UIMC1: variants seen among roughly 807,000 people sequenced by gnomAD.
UIMC1 encodes ubiquitin interaction motif containing 1, also known as BRCA1-A complex subunit RAP80.
A neutral mutation model predicts 84.9 loss-of-function variants in UIMC1; 42 were observed. The ratio of observed to expected loss-of-function variants is 0.49; its 90% CI spans 0.39 to 0.64. The LOEUF (loss-of-function observed/expected upper bound fraction) is 0.64, where lower values mean the gene tolerates loss of function less well. UIMC1 is among the 30% of genes least tolerant of loss of function. The probability of loss-of-function intolerance (pLI) is 0.00; values close to 1 mark genes in which losing one functional copy is unlikely to be tolerated. For missense variants in UIMC1, 825 were observed against 847.6 expected (o/e 0.97, Z 0.33); for synonymous variants, 281 against 293.0 (o/e 0.96, Z 0.42).
chr5:176,977,932 T>A (rs541579031), intron 2 of UIMC1, among the ~76,000 whole-genome samples: 2 of 150,266 alleles, frequency 1.3e-5, no homozygotes, highest in South Asian at 4.3e-4. Context: ...TATAAAAAAA[T>A]AAAAATAATA....
intron 12 of UIMC1, chr5:176,907,453 G>T (rs1215056538): frequency 5.9e-6 from 2 of 341,108 alleles, no homozygotes; most frequent in East Asian, 1.1e-4. Flanking sequence ...TAAACTGGCT[G>T]TATAAGTAAG....
intron 1 of UIMC1, among the ~76,000 whole-genome samples, chr5:176,982,993 C>G (rs148089281): frequency 1.3e-5 from 2 of 152,250 alleles, no homozygotes; most frequent in South Asian, 2.1e-4. Flanking sequence ...GCCACCACAT[C>G]CAGCCTAATT....
intron 1 of UIMC1, among the ~76,000 whole-genome samples, chr5:177,014,057 C>CTTTTTT (rs34686520): frequency 8.4e-4 from 103 of 122,098 alleles, no homozygotes; most frequent in Non-Finnish European, 1.1e-3. Context: ...TTTTTCTTTT[C>CTTTTTT]TTTTTTTTTT....
intron 10 of UIMC1, among the ~76,000 whole-genome samples, chr5:176,915,774 C>T (rs1329752691): frequency 7.2e-6 from 1 of 139,682 alleles, no homozygotes; most frequent in Non-Finnish European, 1.5e-5. Flanking sequence ...TATTAAGTAA[C>T]CTGATCAAGG....
chr5:176,911,509 C>A, intron 10 of UIMC1, 120 bp from the exon 11 acceptor site: 1 of 550,242 alleles, frequency 1.8e-6, no homozygotes, highest in Non-Finnish European at 2.8e-6. Flanking sequence ...GGAAGAAGTG[C>A]ATTGTTTGGG....
Position 176,991,168 on chromosome 5 carries a change from C to T in UIMC1, c.-8-8545G>A, listed in dbSNP as rs188954957. ...GATTACAGGCGCCCGCCACCACGCC[C>T]GGCTAATTTTTTTTGCATTTTTAGT... On this transcript the variant is annotated intron_variant, in intron 1 of 14. Transcript: ENST00000511320. Among the ~76,000 whole-genome samples the T allele has an allele frequency of 5.0e-3, 762 of 151,700 alleles. 7 individuals are homozygous for T. The highest frequency in any genetic ancestry group is 0.016 in the African/African-American group (682 of 41,366).
At chr5:176,959,621 C>G (rs1299024985) in intron 6 of UIMC1, among the ~76,000 whole-genome samples, 9 of 147,218 alleles carry the variant, frequency 6.1e-5, no homozygotes, top group Non-Finnish European at 1.0e-4. Context: ...GAGGCTGAGG[C>G]AGGAGAATGG....
intron 10 of UIMC1, among the ~76,000 whole-genome samples, chr5:176,915,248 T>C (rs936060331): frequency 8.2e-4 from 125 of 151,568 alleles, no homozygotes; most frequent in African/African-American, 2.9e-3. Flanking sequence ...TTTCTTTTTT[T>C]TTTTTTTTCT....
intron 10 of UIMC1, among the ~76,000 whole-genome samples, chr5:176,914,742 G>A (rs757595082): frequency 2.0e-5 from 3 of 152,144 alleles, no homozygotes; most frequent in Admixed American, 1.3e-4. Context: ...CTAGAAGCGG[G>A]GAATCAGATT....
At chr5:176,997,511 C>T (rs543145918) in intron 1 of UIMC1, among the ~76,000 whole-genome samples, 2 of 152,092 alleles carry the variant, frequency 1.3e-5, no homozygotes, top group East Asian at 3.9e-4. Context: ...AGTGAAACCC[C>T]GTTTCTACTA....
chr5:177,013,080 CAAA>C (rs35280210), intron 1 of UIMC1, among the ~76,000 whole-genome samples: 1 of 131,528 alleles, frequency 7.6e-6, no homozygotes, highest in Non-Finnish European at 1.6e-5. Context: ...GATCTTGTAT[CAAA>C]AAAAAAAAAA....
chr5:177,020,479 G>A (rs550121044), intron 1 of UIMC1, among the ~76,000 whole-genome samples: 1 of 152,330 alleles, frequency 6.6e-6, no homozygotes, highest in East Asian at 1.9e-4. Context: ...TGCCCAGGAT[G>A]GAGTGCAGTG....
intron 9 of UIMC1, among the ~76,000 whole-genome samples, chr5:176,947,571 C>A (rs1309955307): frequency 6.6e-6 from 1 of 152,164 alleles, no homozygotes; most frequent in Non-Finnish European, 1.5e-5. Flanking sequence ...GTAATCCCAG[C>A]ACTTTGGGAG....
At chr5:176,995,643 A>G (rs1237628792) in intron 1 of UIMC1, among the ~76,000 whole-genome samples, 2 of 151,540 alleles carry the variant, frequency 1.3e-5, no homozygotes, top group Non-Finnish European at 2.9e-5. Flanking sequence ...AAAGATCGAG[A>G]CCATCCTGGC....
chr5:176,916,493 G>C (rs1685562506), intron 10 of UIMC1, among the ~76,000 whole-genome samples: 2 of 152,196 alleles, frequency 1.3e-5, no homozygotes, highest in Admixed American at 1.3e-4. Context: ...AGGTGTCCAG[G>C]TTGGGCCTCT....
At chr5:176,907,242 G>A (rs1342461089) in intron 12 of UIMC1, 65 bp from the exon 13 acceptor site, 2 of 1,452,790 alleles carry the variant, frequency 1.4e-6, no homozygotes, top group Admixed American at 1.8e-5. Context: ...AACTTCCACA[G>A]CCCAGATCAC....
At chr5:176,964,377 G>C (rs750673761) in intron 6 of UIMC1, among the ~76,000 whole-genome samples, 18 of 152,176 alleles carry the variant, frequency 1.2e-4, no homozygotes, top group Non-Finnish European at 7.3e-5. Context: ...AATACAAATT[G>C]TAACAGCCTT....
chr5:176,967,164 C>T (rs1174218326), intron 6 of UIMC1, among the ~76,000 whole-genome samples: 1 of 151,850 alleles, frequency 6.6e-6, no homozygotes, highest in Non-Finnish European at 1.5e-5. Context: ...TTTGGTCCAC[C>T]AATTACAGCT....
chr5:177,019,214 T>C (rs1368170894), intron 1 of UIMC1, among the ~76,000 whole-genome samples: 1 of 152,238 alleles, frequency 6.6e-6, no homozygotes, highest in Non-Finnish European at 1.5e-5. Context: ...CGTACCTAAC[T>C]AGCTGTGTGA....
Sources: allele counts gnomAD v4.1 joint callset (sites outside exome capture counted in the v4.1 genomes callset), GRCh38; gene constraint gnomAD v4.1.1; transcripts MANE v1.5; gene names NCBI Gene and HGNC (gene_info 2026-07-23, HGNC 2026-07-21).